NT5C3A: variants seen among roughly 807,000 people sequenced by gnomAD.
NT5C3A encodes cytosolic 5'-nucleotidase 3A.
A neutral mutation model predicts 40.0 loss-of-function variants in NT5C3A; 23 were observed. The ratio of observed to expected loss-of-function variants is 0.58; its 90% CI spans 0.41 to 0.81. The LOEUF (loss-of-function observed/expected upper bound fraction) is 0.81, where lower values mean the gene tolerates loss of function less well. Ranked by LOEUF, NT5C3A falls within the 40% of genes least tolerant of loss-of-function variation. The pLI, the probability that NT5C3A is intolerant of heterozygous loss-of-function variation, is 0.00. For synonymous variants in NT5C3A, 130 were observed against 141.4 expected, an observed-to-expected ratio of 0.92 and a Z score of 0.57; for missense variants, 328 against 403.0, an observed-to-expected ratio of 0.81 and a Z score of 1.59.
intron 1 of NT5C3A, among the ~76,000 whole-genome samples, chr7:33,055,949 GA>G (rs1384407650): frequency 6.6e-6 from 1 of 151,660 alleles, no homozygotes; most frequent in African/African-American, 2.4e-5. Flanking sequence ...TGTCTCTACA[GA>G]AAACAAAAAA....
chr7:33,057,452 G>A (rs1021015896), intron 1 of NT5C3A, among the ~76,000 whole-genome samples: 1 of 152,162 alleles, frequency 6.6e-6, no homozygotes, highest in Non-Finnish European at 1.5e-5. Flanking sequence ...AGCCCAGGAG[G>A]TGGAGGTTGC....
chr7:33,043,218 T>C (rs1473662595), intron 1 of NT5C3A, among the ~76,000 whole-genome samples: 1 of 152,222 alleles, frequency 6.6e-6, no homozygotes, highest in African/African-American at 2.4e-5. Context: ...TACAGACATA[T>C]GGTCTACTAC....
intron 1 of NT5C3A, among the ~76,000 whole-genome samples, chr7:33,032,113 A>C (rs939254513): frequency 1.3e-5 from 2 of 150,250 alleles, no homozygotes; most frequent in Non-Finnish European, 3.0e-5. Context: ...TGACAGAGCG[A>C]GACTCTGTCT....
chr7:33,019,524 T>C (rs1010280322), intron 6 of NT5C3A, 111 bp downstream of exon 6: 21 of 730,694 alleles, frequency 2.9e-5, no homozygotes, highest in Admixed American at 9.6e-5. Context: ...ATTTTGGATA[T>C]GGTTATATAA....
chr7:33,056,473 CAAAAAAAAAAAAAAAAAAAAAAAAAAAAA>C lies in NT5C3A; in HGVS notation c.138+6066_138+6094del, dbSNP rs70989927. On this transcript the variant is annotated intron_variant, in intron 1 of 8. Transcript: ENST00000610140. ...GCAAATAGTGAGACCCCGTCTCTACCAAAAAAAAAAAAAAAAAAAAAAAAAAAAAAAAAAAAAAAAAAATTTAACTTAGC... is the reference window on the plus strand; with the variant it reads ...GCAAATAGTGAGACCCCGTCTCTACCAAAAAAAAAAAAAATTTAACTTAGC... Among the ~76,000 whole-genome samples, 4 of 43,684 alleles carry C rather than the reference CAAAAAAAAAAAAAAAAAAAAAAAAAAAAA, an allele frequency of 9.2e-5. No individual in the cohort carries two copies. The South Asian group carries it at 3.3e-3, about 36-fold the overall frequency. 28.7% of individuals were successfully genotyped at this position (43,684 alleles called of 152,430 possible).
chr7:33,042,414 ACTG>A (rs1372254173), intron 1 of NT5C3A, among the ~76,000 whole-genome samples: 2 of 152,170 alleles, frequency 1.3e-5, no homozygotes, highest in African/African-American at 4.8e-5. Context: ...AACCTTTGAC[ACTG>A]CTATCTTATT....
intron 1 of NT5C3A, among the ~76,000 whole-genome samples, chr7:33,036,711 T>C (rs1786624161): frequency 6.6e-6 from 1 of 152,178 alleles, no homozygotes; most frequent in African/African-American, 2.4e-5. Context: ...CGAATCAATA[T>C]AGGAATATAC....
chr7:33,038,946 T>C (rs576355077), intron 1 of NT5C3A: 44 of 453,728 alleles, frequency 9.7e-5, no homozygotes, highest in South Asian at 6.6e-4. Flanking sequence ...CAAAGGAAGT[T>C]TTAACATTTT....
At chr7:33,044,254 AC>A (rs1265233700) in intron 1 of NT5C3A, among the ~76,000 whole-genome samples, 2 of 152,146 alleles carry the variant, frequency 1.3e-5, no homozygotes, top group Non-Finnish European at 2.9e-5. Flanking sequence ...GCAACACATA[AC>A]ATGAGAGGGC....
intron 1 of NT5C3A, among the ~76,000 whole-genome samples, chr7:33,036,956 C>T (rs1033628939): frequency 4.6e-5 from 7 of 152,046 alleles, no homozygotes; most frequent in Admixed American, 6.6e-5. Context: ...GGATTACAGG[C>T]GCATGCCGCC....
chr7:33,022,635 A>G (rs1785691239), intron 3 of NT5C3A, among the ~76,000 whole-genome samples: 2 of 152,200 alleles, frequency 1.3e-5, no homozygotes, highest in African/African-American at 2.4e-5. Context: ...TAGATAAGAG[A>G]TCATACCAAA....
rs1785402730 is a variant in NT5C3A, at chr7:33,017,520, T to C, written c.612A>G (p.Val204=). 6.2e-7 allele frequency: 1 copy of C among 1,613,576 alleles called. No homozygotes were observed. The highest frequency in any genetic ancestry group is 8.5e-7 in the Non-Finnish European group (1 of 1,179,572). The stretch of plus-strand genomic sequence containing the variant: ...CAGCTTGACGAATAACTTCCTCTAG[T>C]ACATCGCCGATTCCAGCCGAAAATA... ...VFIFSAGIGD[V]LEEVIRQAGV... Residue 204 remains valine (V), a synonymous_variant, in exon 7 of 9, where the codon GTA becomes GTG. Coordinates refer to ENST00000610140, the MANE Select transcript of NT5C3A (RefSeq NM_001002010.5).
intron 1 of NT5C3A, among the ~76,000 whole-genome samples, chr7:33,061,668 T>C (rs1473275133): frequency 2.0e-5 from 3 of 152,212 alleles, no homozygotes; most frequent in African/African-American, 7.2e-5. Flanking sequence ...TGATATTATT[T>C]AGTGTAGATT....
chr7:33,044,464 T>C (rs973234040), intron 1 of NT5C3A, among the ~76,000 whole-genome samples: 1 of 152,180 alleles, frequency 6.6e-6, no homozygotes, highest in African/African-American at 2.4e-5. Context: ...AACTGCACAA[T>C]GGACTTTCAC....
At chr7:33,037,786 G>A (rs925000502) in intron 1 of NT5C3A, among the ~76,000 whole-genome samples, 4 of 152,024 alleles carry the variant, frequency 2.6e-5, no homozygotes, top group Middle Eastern at 3.4e-3. Flanking sequence ...TATATATATC[G>A]ATATAAAGAT....
chr7:33,030,075 T>C (rs1394893073), intron 1 of NT5C3A, among the ~76,000 whole-genome samples: 1 of 152,184 alleles, frequency 6.6e-6, no homozygotes, highest in African/African-American at 2.4e-5. Context: ...TAGTATACTA[T>C]ACTCCTCTCC....
chr7:33,030,131 C>A (rs1786165292), intron 1 of NT5C3A, among the ~76,000 whole-genome samples: 2 of 152,164 alleles, frequency 1.3e-5, no homozygotes, highest in Admixed American at 6.5e-5. Flanking sequence ...AAATACTTCA[C>A]AAGAACTTGA....
intron 1 of NT5C3A, among the ~76,000 whole-genome samples, chr7:33,038,521 T>C (rs987923277): frequency 6.6e-6 from 1 of 151,068 alleles, no homozygotes; most frequent in South Asian, 2.1e-4. Flanking sequence ...TTGGTAAGTA[T>C]ACCAACAATT....
At chr7:33,058,546 C>T (rs1787658204) in intron 1 of NT5C3A, among the ~76,000 whole-genome samples, 1 of 152,058 alleles carries the variant, frequency 6.6e-6, no homozygotes, top group Admixed American at 6.5e-5. Context: ...GGACGGGGTT[C>T]CACCATGTTG....
Sources: allele counts gnomAD v4.1 joint callset (sites outside exome capture counted in the v4.1 genomes callset), GRCh38; gene constraint gnomAD v4.1.1; transcripts MANE v1.5; gene names NCBI Gene and HGNC (gene_info 2026-07-23, HGNC 2026-07-21).